The following FAM118A variants were observed in gnomAD, a reference collection of about 807,000 sequenced individuals.
The protein encoded by FAM118A is SIR2 antiphage like 2.
A neutral mutation model predicts 38.2 loss-of-function variants in FAM118A; 25 were observed. The ratio of observed to expected loss-of-function variants is 0.65; its 90% CI spans 0.48 to 0.91. The LOEUF is 0.91. Ranked by LOEUF, FAM118A falls within the 40% of genes least tolerant of loss-of-function variation. The probability of loss-of-function intolerance (pLI) is 0.00; values close to 1 mark genes in which losing one functional copy is unlikely to be tolerated. For missense variants in FAM118A, 425 were observed against 463.3 expected, an observed-to-expected ratio of 0.92 and a Z score of 0.76; for synonymous variants, 178 against 184.1, an observed-to-expected ratio of 0.97 and a Z score of 0.27.
At chr22:45,313,484 A>G (rs1296066696) in intron 1 of FAM118A, among the ~76,000 whole-genome samples, 1 of 151,750 alleles carries the variant, frequency 6.6e-6, no homozygotes, top group Admixed American at 6.6e-5. Context: ...CACCTTGCCC[A>G]GCTACTTTTT....
chr22:45,322,310 G>A (rs2084926007), intron 1 of FAM118A, 61 bp from the exon 2 acceptor site: 1 of 1,581,862 alleles, frequency 6.3e-7, no homozygotes. Flanking sequence ...ATCTTCCAGG[G>A]TGCAAATAAA....
chr22:45,321,153 G>T (rs1269310586), intron 1 of FAM118A, among the ~76,000 whole-genome samples: 1 of 152,146 alleles, frequency 6.6e-6, no homozygotes, highest in African/African-American at 2.4e-5. Context: ...GTCTTGCTCT[G>T]TTGCCTAGGC....
At chr22:45,331,099 T>C (rs1296721362) in intron 5 of FAM118A, among the ~76,000 whole-genome samples, 1 of 152,172 alleles carries the variant, frequency 6.6e-6, no homozygotes, top group African/African-American at 2.4e-5. Flanking sequence ...CAGTCTAGAA[T>C]GTTGTCCTTG....
chr22:45,330,537 A>G (rs2146686830), intron 4 of FAM118A, 66 bp from the exon 5 acceptor site: 6 of 1,422,672 alleles, frequency 4.2e-6, no homozygotes, highest in Non-Finnish European at 4.6e-6. Flanking sequence ...CATTTTCAGT[A>G]TTTTCTTCTC....
At chr22:45,327,209 C>T (rs893114166) in intron 3 of FAM118A, among the ~76,000 whole-genome samples, 16 of 151,786 alleles carry the variant, frequency 1.1e-4, no homozygotes, top group African/African-American at 3.9e-4. Flanking sequence ...CACTGTGCTC[C>T]AGCCTGGATG....
At chr22:45,312,112 G>A (rs914312650) in intron 1 of FAM118A, among the ~76,000 whole-genome samples, 1 of 152,142 alleles carries the variant, frequency 6.6e-6, no homozygotes, top group African/African-American at 2.4e-5. Flanking sequence ...CTCACTCAAC[G>A]ACAATCAACA....
At chr22:45,337,231 G>C (rs1039365429) in intron 8 of FAM118A, among the ~76,000 whole-genome samples, 1 of 152,254 alleles carries the variant, frequency 6.6e-6, no homozygotes, top group African/African-American at 2.4e-5. Context: ...GGACAGAAAG[G>C]AAACGAGACC....
At chr22:45,318,040 C>T (rs545107246) in intron 1 of FAM118A, among the ~76,000 whole-genome samples, 1 of 152,312 alleles carries the variant, frequency 6.6e-6, no homozygotes, top group South Asian at 2.1e-4. Flanking sequence ...GTTTTACTAC[C>T]TGTAAATAAC....
chr22:45,318,068 C>T (rs1230512853), intron 1 of FAM118A, among the ~76,000 whole-genome samples: 1 of 152,118 alleles, frequency 6.6e-6, no homozygotes, highest in Non-Finnish European at 1.5e-5. Flanking sequence ...ATTTTGGTAG[C>T]TTGTATTTTG....
intron 3 of FAM118A, among the ~76,000 whole-genome samples, chr22:45,324,906 G>C (rs1016383834): frequency 6.6e-6 from 1 of 152,200 alleles, no homozygotes; most frequent in East Asian, 1.9e-4. Context: ...AATTAACCTG[G>C]CGTGGTGGCA....
At position 45,332,563 on chromosome 22, in the gene FAM118A, C is replaced by T; in HGVS notation, c.790C>T (p.Leu264=). ...KVDLEHYMLV[L]KENEDHFFKH... The stretch of plus-strand genomic sequence containing the variant: ...GGATTTGGAGCACTACATGCTTGTG[C>T]TGAAGGAGAATGAAGACCATTTCTT... Residue 264 remains leucine (L), a synonymous_variant, in exon 6 of 9, where the codon CTG becomes TTG. Coordinates refer to ENST00000441876, the MANE Select transcript of FAM118A (RefSeq NM_017911.4). 5 of 1,614,138 alleles carry T rather than the reference C, an allele frequency of 3.1e-6. No individual in the cohort carries two copies. The highest frequency in any genetic ancestry group is 3.4e-6 in the Non-Finnish European group (4 of 1,180,036).
At chr22:45,336,268 C>A (rs2086088214) in intron 7 of FAM118A, 60 bp from the exon 8 acceptor site, 2 of 1,392,858 alleles carry the variant, frequency 1.4e-6, no homozygotes, top group South Asian at 1.2e-5. Flanking sequence ...ACATTATGAA[C>A]TGTGCCTTGG....
At chr22:45,312,121 CAG>C (rs1465029006) in intron 1 of FAM118A, among the ~76,000 whole-genome samples, 1 of 152,204 alleles carries the variant, frequency 6.6e-6, no homozygotes, top group African/African-American at 2.4e-5. Flanking sequence ...CGACAATCAA[CAG>C]AGATGTCTTC....
At chr22:45,323,076 T>TGTGG in intron 2 of FAM118A, 99 bp from the exon 3 acceptor site, 1 of 1,282,230 alleles carries the variant, frequency 7.8e-7, no homozygotes, top group Non-Finnish European at 1.1e-6. Flanking sequence ...TGTGTGTGTG[T>TGTGG]ACACAGCACA....
chr22:45,332,089 T>A (rs1430836720), intron 5 of FAM118A, among the ~76,000 whole-genome samples: 1 of 152,244 alleles, frequency 6.6e-6, no homozygotes, highest in Non-Finnish European at 1.5e-5. Context: ...GTTGGGTGAC[T>A]GCACTGGTGA....
At chr22:45,328,502 C>T (rs774582470) in intron 4 of FAM118A, 4 of 796,358 alleles carry the variant, frequency 5.0e-6, no homozygotes, top group East Asian at 2.4e-5. Flanking sequence ...CATGGTGGCG[C>T]CTGCCTGCAG....
intron 3 of FAM118A, among the ~76,000 whole-genome samples, chr22:45,327,087 TATA>T (rs1458457564): frequency 1.3e-5 from 2 of 149,754 alleles, no homozygotes; most frequent in African/African-American, 2.5e-5. Context: ...TTTTAAAAAA[TATA>T]ATGAGTTGGG....
At chr22:45,317,675 A>G (rs2084664553) in intron 1 of FAM118A, among the ~76,000 whole-genome samples, 1 of 152,160 alleles carries the variant, frequency 6.6e-6, no homozygotes, top group Non-Finnish European at 1.5e-5. Context: ...TTGCTAGCTC[A>G]GCGCCAGGCC....
At chr22:45,339,229 C>G (rs2086311376) in intron 8 of FAM118A, among the ~76,000 whole-genome samples, 1 of 152,206 alleles carries the variant, frequency 6.6e-6, no homozygotes, top group South Asian at 2.1e-4. Flanking sequence ...AACCCCGTCT[C>G]TACTAAAAAT....
Sources: gnomAD v4.1 joint callset for allele counts (sites outside exome capture counted in the v4.1 genomes callset) on GRCh38, gnomAD v4.1.1 for gene constraint, MANE v1.5 for transcripts, NCBI Gene and HGNC (gene_info 2026-07-23, HGNC 2026-07-21) for gene names.